POLR2D: variants seen among roughly 807,000 people sequenced by gnomAD.
The protein encoded by POLR2D is DNA-directed RNA polymerase II subunit RPB4.
A neutral mutation model predicts 17.6 loss-of-function variants in POLR2D; 10 were observed. That is an observed-to-expected ratio of 0.57 (90% CI 0.35 to 0.96). The LOEUF is 0.96. POLR2D is among the 40% of genes least tolerant of loss of function. The pLI, the probability that POLR2D is intolerant of heterozygous loss-of-function variation, is 0.02. For missense variants in POLR2D, 126 were observed against 176.4 expected, an observed-to-expected ratio of 0.71 and a Z score of 1.62; for synonymous variants, 52 against 60.2, an observed-to-expected ratio of 0.86 and a Z score of 0.63.
rs1393876477 is a variant in POLR2D at position 127,845,935 on chromosome 2, C to T, written c.*2172G>A. 6.6e-6 allele frequency: 1 copy of T among 152,146 alleles called. No homozygotes were observed. Among genetic ancestry groups the T allele is most frequent in the East Asian group, 1.9e-4 (1 of 5,198 alleles). 9.4% of individuals were successfully genotyped at this position (152,146 alleles called of 1,614,324 possible). A position where few individuals can be genotyped will look rare whatever the true frequency, so the allele number is the denominator to read the frequency against. On this transcript the variant is annotated 3_prime_UTR_variant, in exon 4 of 4. Transcript: ENST00000272645. ...ATCCATATTTCACAATTGAGAACACCAATGAGGCTCAAAGAAGCGAAGTTG... is the reference window on the plus strand; with the variant it reads ...ATCCATATTTCACAATTGAGAACACTAATGAGGCTCAAAGAAGCGAAGTTG...
rs2104719359 is a variant in POLR2D, at chr2:127,845,334, A to G, written c.*2773T>C. On this transcript the variant is annotated 3_prime_UTR_variant, in exon 4 of 4. Transcript: ENST00000272645. ...GACATGCAAATTCATCAAGCATTAAAAAACGAAAGTTAACTGTAGATTTGG... is the reference window on the plus strand; with the variant it reads ...GACATGCAAATTCATCAAGCATTAAGAAACGAAAGTTAACTGTAGATTTGG... 2 of 148,172 alleles carry G rather than the reference A, an allele frequency of 1.3e-5. No individual in the cohort carries two copies. Among genetic ancestry groups the G allele is most frequent in the Middle Eastern group, 7.0e-3 (2 of 284 alleles). 9.2% of individuals were successfully genotyped at this position (148,172 alleles called of 1,614,324 possible).
intron 1 of POLR2D, among the ~76,000 whole-genome samples, chr2:127,855,135 G>A (rs952890581): frequency 6.6e-6 from 1 of 151,906 alleles, no homozygotes; most frequent in African/African-American, 2.4e-5. Context: ...AGTGGCTCAC[G>A]CCTGTAATCC....
In POLR2D at chr2:127,852,962, G is replaced by A. The variant is rs750986470; in HGVS notation, c.217C>T (p.Arg73Cys). The change falls in exon 2 of 4, where the codon CGT becomes TGT. Residue 73 changes from arginine to cysteine, a missense_variant. Coordinates refer to ENST00000272645, the MANE Select transcript of POLR2D (RefSeq NM_004805.4). This position sits in a 1 kb window ranked among gnomAD's most constrained non-coding sequence, Gnocchi z 4.0. ...KTLNYTARFSRFKNRETIASV... is the reference protein window; with the variant it reads ...KTLNYTARFSCFKNRETIASV... ...GCAATGGTCTCTCTGTTTTTGAAACGACTGAAACGGGCTGTGTAGTTTAAT... is the reference window on the plus strand; with the variant it reads ...GCAATGGTCTCTCTGTTTTTGAAACAACTGAAACGGGCTGTGTAGTTTAAT... 9.9e-6 allele frequency: 16 copies of A among 1,613,714 alleles called. No individual in the cohort carries two copies. Among genetic ancestry groups the A allele is most frequent in the Non-Finnish European group, 2.5e-6 (3 of 1,179,850 alleles).
chr2:127,855,001 CAAA>C (rs58280789), intron 1 of POLR2D, among the ~76,000 whole-genome samples: 3 of 70,950 alleles, frequency 4.2e-5, no homozygotes, highest in Non-Finnish European at 3.2e-5. Context: ...GACATCAGGC[CAAA>C]AAAAAAAAAA....
At chr2:127,856,286 G>A (rs1357895571) in intron 1 of POLR2D, among the ~76,000 whole-genome samples, 2 of 2,506 alleles carry the variant, frequency 8.0e-4, no homozygotes, top group Non-Finnish European at 1.4e-3. Flanking sequence ...ATGAGATCCC[G>A]TCTCAAAAAA....
chr2:127,857,852 G>A lies in POLR2D; in HGVS notation c.73+176C>T. On this transcript the variant is annotated intron_variant, in intron 1 of 3. Coordinates refer to ENST00000272645, the MANE Select transcript of POLR2D (RefSeq NM_004805.4). ...CATAAAATAACCCAGTTGCCCAGGC[G>A]GTCCCTCCCAAGGCCATGGTCCCTC... 3.8e-6 allele frequency: 5 copies of A among 1,320,156 alleles called. No homozygotes were observed. The Middle Eastern group carries it at 1.1e-3, about 287-fold the overall frequency. The allele number at this position is 1,320,156 out of a possible 1,614,324, so 81.8% of individuals were successfully genotyped here.
intron 1 of POLR2D, among the ~76,000 whole-genome samples, chr2:127,853,913 C>T (rs1690288700): frequency 6.6e-6 from 1 of 152,194 alleles, no homozygotes. Flanking sequence ...ATTCTGACAC[C>T]AAAAACCTGA....
chr2:127,852,957 G>A lies in POLR2D; in HGVS notation c.222C>T (p.Phe74=), dbSNP rs368863255. ...TLNYTARFSR[F]KNRETIASVR... ...CACTGGCAATGGTCTCTCTGTTTTT[G>A]AAACGACTGAAACGGGCTGTGTAGT... is the stretch of plus-strand genomic sequence containing the variant. The change falls in exon 2 of 4, where the codon TTC becomes TTT. Residue 74 remains phenylalanine (F), a synonymous_variant. Coordinates refer to ENST00000272645, the MANE Select transcript of POLR2D (RefSeq NM_004805.4). The surrounding 1 kb of genome is among the most constrained non-coding windows in gnomAD (Gnocchi z 4.0). 1.4e-4 allele frequency: 228 copies of A among 1,613,414 alleles called. No homozygotes were observed. Among genetic ancestry groups the A allele is most frequent in the South Asian group, 9.9e-4 (90 of 90,932 alleles).
intron 3 of POLR2D, among the ~76,000 whole-genome samples, chr2:127,848,674 G>A (rs1018782761): frequency 2.6e-5 from 4 of 152,104 alleles, no homozygotes; most frequent in East Asian, 3.9e-4. Context: ...CCGCCACCAC[G>A]CCCAGCTAAT....
intron 3 of POLR2D, 40 bp downstream of exon 3, chr2:127,850,550 T>C (rs1173824013): frequency 3.6e-6 from 3 of 836,120 alleles, no homozygotes; most frequent in Admixed American, 4.7e-5. Context: ...TTGTAGGAAT[T>C]TATCCAGTAT....
intron 1 of POLR2D, among the ~76,000 whole-genome samples, chr2:127,855,092 T>A (rs1690307142): frequency 6.8e-6 from 1 of 147,870 alleles, no homozygotes; most frequent in Non-Finnish European, 1.5e-5. Context: ...CCTGGAAAAA[T>A]CAATGTTAAG....
Position 127,845,911 on chromosome 2 carries a change from T to C in POLR2D, c.*2196A>G, listed in dbSNP as rs1165449831. 6.6e-6 allele frequency: 1 copy of C among 152,202 alleles called. No individual in the cohort carries two copies. Among genetic ancestry groups the C allele is most frequent in the Non-Finnish European group, 1.5e-5 (1 of 68,036 alleles). 9.4% of individuals were successfully genotyped at this position (152,202 alleles called of 1,614,324 possible). ...AATACCCATGGGGCAGATACTATTA[T>C]CCATATTTCACAATTGAGAACACCA... On this transcript the variant is annotated 3_prime_UTR_variant, in exon 4 of 4. Coordinates refer to ENST00000272645, the MANE Select transcript of POLR2D (RefSeq NM_004805.4).
At position 127,843,706 on chromosome 2, in the gene POLR2D, C is replaced by G. The variant is rs1301643871; in HGVS notation, c.*4401G>C. 6.5e-6 allele frequency: 1 copy of G among 152,952 alleles called. No homozygotes were observed. The highest frequency in any genetic ancestry group is 1.5e-5 in the Non-Finnish European group (1 of 68,020). The allele number at this position is 152,952 out of a possible 1,614,324, so 9.5% of individuals were successfully genotyped here. ...TGGTCTGAATGTGCCCCCTCCCACC[C>G]AATTGATACATTGAACCCATCACTG... On this transcript the variant is annotated 3_prime_UTR_variant, in exon 4 of 4. Coordinates refer to ENST00000272645, the MANE Select transcript of POLR2D (RefSeq NM_004805.4).
In POLR2D at chr2:127,847,678, C is replaced by T; in HGVS notation, c.*429G>A. 6.0e-6 allele frequency: 1 copy of T among 165,322 alleles called. No homozygotes were observed. The highest frequency in any genetic ancestry group is 1.5e-4 in the South Asian group (1 of 6,892). The allele number at this position is 165,322 out of a possible 1,614,324, so 10.2% of individuals were successfully genotyped here. On this transcript the variant is annotated 3_prime_UTR_variant, in exon 4 of 4. Coordinates refer to ENST00000272645, the MANE Select transcript of POLR2D (RefSeq NM_004805.4). ...ATTTCAAACTAACAGCGGTTTAATT[C>T]TTCCTTTAGTATCTAGGTAAAACTG...
At chr2:127,848,686 T>C (rs1286886142) in intron 3 of POLR2D, among the ~76,000 whole-genome samples, 2 of 151,546 alleles carry the variant, frequency 1.3e-5, no homozygotes, top group Non-Finnish European at 2.9e-5. Flanking sequence ...CCAGCTAATT[T>C]TTTGTATTTT....
chr2:127,847,256 G>A lies in POLR2D; in HGVS notation c.*851C>T, dbSNP rs998873388. On this transcript the variant is annotated 3_prime_UTR_variant, in exon 4 of 4. Coordinates refer to ENST00000272645, the MANE Select transcript of POLR2D (RefSeq NM_004805.4). ...ATGGGCTCCACAATACTTAGCACTT[G>A]TCCCCAAGTGTAAACACTTCCCATG... The A allele has an allele frequency of 1.3e-5, 2 of 152,210 alleles. No individual in the cohort carries two copies. Among genetic ancestry groups the A allele is most frequent in the African/African-American group, 2.4e-5 (1 of 41,436 alleles). The allele number at this position is 152,210 out of a possible 1,614,324, so 9.4% of individuals were successfully genotyped here.
In POLR2D at chr2:127,846,650, A is replaced by G. The variant is rs56204957; in HGVS notation, c.*1457T>C. The G allele has an allele frequency of 0.02, 3,017 of 152,528 alleles. 145 individuals carry two copies. The highest frequency in any genetic ancestry group is 0.17 in the East Asian group (856 of 5,178). The allele number at this position is 152,528 out of a possible 1,614,324, so 9.4% of individuals were successfully genotyped here. On this transcript the variant is annotated 3_prime_UTR_variant, in exon 4 of 4. Transcript: ENST00000272645. Reference sequence around the variant, plus strand: ...CAAGCCTGGCCTATGAAGTAAAAAAAAAAAAAAATTTTTTTAAGTAGAATT... The same window carrying G: ...CAAGCCTGGCCTATGAAGTAAAAAAGAAAAAAAATTTTTTTAAGTAGAATT...
Position 127,850,608 on chromosome 2 carries a change from G to T in POLR2D, c.332C>A (p.Ser111Tyr). The stretch of plus-strand genomic sequence containing the variant: ...TACTAACCTTGGGATTAGAGCCTTG[G>T]ACTCCTCAGCAGTCTCTGGGCAAAG... ...ANLCPETAEE[S>Y]KALIPSLEGR... Residue 111 changes from serine to tyrosine, a missense_variant, in exon 3 of 4, where the codon TCC becomes TAC. Transcript: ENST00000272645. The T allele has an allele frequency of 1.3e-6, 2 of 1,551,964 alleles. No individual in the cohort carries two copies. The highest frequency in any genetic ancestry group is 1.2e-5 in the South Asian group (1 of 86,068).
In POLR2D at chr2:127,858,106, C is replaced by T; in HGVS notation, c.-6G>A. 3 of 1,484,478 alleles carry T rather than the reference C, an allele frequency of 2.0e-6. No homozygotes were observed. Among genetic ancestry groups the T allele is most frequent in the Non-Finnish European group, 2.7e-6 (3 of 1,117,148 alleles). 92.0% of individuals were successfully genotyped at this position (1,484,478 alleles called of 1,614,324 possible). A position where few individuals can be genotyped will look rare whatever the true frequency, so the allele number is the denominator to read the frequency against. ...TCGCTGCCACCCGCCGCCATCGCCG[C>T]GCCGCGCCGCGCGCCACCACCAGCG... On this transcript the variant is annotated 5_prime_UTR_variant, in exon 1 of 4. Transcript: ENST00000272645.
Sources: gnomAD v4.1 joint callset for allele counts (sites outside exome capture counted in the v4.1 genomes callset) on GRCh38, gnomAD v4.1.1 for gene constraint, Gnocchi (gnomAD v3.1) non-coding constraint, MANE v1.5 for transcripts, NCBI Gene and HGNC (gene_info 2026-07-23, HGNC 2026-07-21) for gene names.